TBC1D19: variants seen among roughly 807,000 people sequenced by gnomAD.
TBC1D19 encodes TBC1 domain family member 19.
A neutral mutation model predicts 89.0 loss-of-function variants in TBC1D19; 60 were observed. The ratio of observed to expected loss-of-function variants is 0.67; its 90% confidence interval spans 0.55 to 0.84. The LOEUF is 0.84. TBC1D19 is among the 40% of genes least tolerant of loss of function. The probability of loss-of-function intolerance (pLI) is 0.00; values close to 1 mark genes in which losing one functional copy is unlikely to be tolerated. For missense variants in TBC1D19, 500 were observed against 610.8 expected, an observed-to-expected ratio of 0.82 and a Z score of 1.91; for synonymous variants, 189 against 199.7, an observed-to-expected ratio of 0.95 and a Z score of 0.45.
chr4:26,680,939 C>T (rs900300989), intron 11 of TBC1D19, among the ~76,000 whole-genome samples: 1 of 152,154 alleles, frequency 6.6e-6, no homozygotes, highest in Admixed American at 6.5e-5. Context: ...CACAAGTCAC[C>T]TATTCCCTAA....
chr4:26,682,373 C>A (rs1713424358), intron 11 of TBC1D19, among the ~76,000 whole-genome samples: 2 of 152,012 alleles, frequency 1.3e-5, no homozygotes, highest in African/African-American at 2.4e-5. Flanking sequence ...CAGTAAATGC[C>A]CTGATCATCA....
intron 13 of TBC1D19, among the ~76,000 whole-genome samples, chr4:26,711,169 A>T (rs1178477921): frequency 1.3e-5 from 2 of 152,084 alleles, no homozygotes; most frequent in Non-Finnish European, 2.9e-5. Context: ...TCTCACATTT[A>T]AGTCTTTAAT....
intron 18 of TBC1D19, among the ~76,000 whole-genome samples, chr4:26,745,449 C>A (rs1718597544): frequency 8.1e-6 from 1 of 123,062 alleles, no homozygotes; most frequent in African/African-American, 3.1e-5. Flanking sequence ...GATTTTTATA[C>A]TTTTAAAGTA....
intron 13 of TBC1D19, among the ~76,000 whole-genome samples, chr4:26,696,311 G>A (rs187965576): frequency 2.0e-5 from 3 of 152,166 alleles, no homozygotes; most frequent in Admixed American, 1.3e-4. Flanking sequence ...AGAGCTAACT[G>A]TCTTAAATAT....
At chr4:26,832,956 C>G in the TBC1D19 span, among the ~76,000 whole-genome samples, 1 of 151,974 alleles carries the variant, frequency 6.6e-6, no homozygotes, top group Non-Finnish European at 1.5e-5. Context: ...ATTGAGCTAC[C>G]GCACTCTGGC....
At chr4:26,800,592 C>G in the TBC1D19 span, among the ~76,000 whole-genome samples, 7 of 152,280 alleles carry the variant, frequency 4.6e-5, no homozygotes, top group African/African-American at 1.7e-4. Flanking sequence ...CTGACTTCCG[C>G]AATGGTTGAA....
At chr4:26,689,481 GAT>G (rs1273738615) in intron 13 of TBC1D19, among the ~76,000 whole-genome samples, 1 of 152,052 alleles carries the variant, frequency 6.6e-6, no homozygotes, top group Non-Finnish European at 1.5e-5. Context: ...GTGCTTCACA[GAT>G]ATGTTATTTT....
intron 4 of TBC1D19, among the ~76,000 whole-genome samples, chr4:26,626,615 C>A (rs1742419750): frequency 6.6e-6 from 1 of 152,030 alleles, no homozygotes; most frequent in Non-Finnish European, 1.5e-5. Context: ...TTATCTAGCT[C>A]AGAAATGCTC....
chr4:26,675,744 G>A (rs371734707), intron 11 of TBC1D19, among the ~76,000 whole-genome samples: 16 of 152,204 alleles, frequency 1.1e-4, no homozygotes, highest in African/African-American at 3.6e-4. Context: ...ACATATAATT[G>A]TAGTCATAGT....
At chr4:26,750,674 T>C (rs531109451) in intron 19 of TBC1D19, among the ~76,000 whole-genome samples, 1 of 152,346 alleles carries the variant, frequency 6.6e-6, no homozygotes, top group African/African-American at 2.4e-5. Context: ...CATTATTGCT[T>C]CCACCCATTT....
chr4:26,652,436 C>T (rs1440901222), intron 7 of TBC1D19, among the ~76,000 whole-genome samples: 1 of 152,056 alleles, frequency 6.6e-6, no homozygotes, highest in African/African-American at 2.4e-5. Flanking sequence ...AACGGGGTCT[C>T]ACTGTATTTC....
Position 26,638,841 on chromosome 4 carries a change from G to T in TBC1D19, c.433+7G>T. ...ATGGGAACTGATGAACCAGGTATGT[G>T]AACAATTTTTTCTGAATGTAGTAGT... On this transcript the variant is annotated splice_region_variant and intron_variant, in intron 6 of 20. Transcript: ENST00000264866. The T allele has an allele frequency of 6.2e-7, 1 of 1,602,218 alleles. No individual in the cohort carries two copies. Among genetic ancestry groups the T allele is most frequent in the South Asian group, 1.1e-5 (1 of 88,022 alleles).
the TBC1D19 span, among the ~76,000 whole-genome samples, chr4:26,837,090 G>C: frequency 8.8e-4 from 134 of 152,326 alleles, no homozygotes; most frequent in African/African-American, 2.8e-3. Flanking sequence ...GGAATGTTTG[G>C]AGGGGTTGTG....
At chr4:26,620,577 A>T (rs775570073) in intron 3 of TBC1D19, 36 bp from the exon 4 acceptor site, 3 of 1,563,720 alleles carry the variant, frequency 1.9e-6, no homozygotes, top group Non-Finnish European at 2.6e-6. Context: ...CCAAGAGAAT[A>T]ATGTGTGATA....
chr4:26,703,128 T>C (rs1412342122), intron 13 of TBC1D19, among the ~76,000 whole-genome samples: 1 of 152,192 alleles, frequency 6.6e-6, no homozygotes, highest in Non-Finnish European at 1.5e-5. Flanking sequence ...TGGATCTCTA[T>C]CCCCATAACA....
At chr4:26,590,462 T>G (rs1014966154) in intron 1 of TBC1D19, among the ~76,000 whole-genome samples, 5 of 152,186 alleles carry the variant, frequency 3.3e-5, no homozygotes, top group African/African-American at 1.2e-4. Flanking sequence ...CCTCATAAAA[T>G]GAGTAGGGAA....
intron 11 of TBC1D19, among the ~76,000 whole-genome samples, chr4:26,679,660 C>T (rs1483600082): frequency 6.6e-6 from 1 of 152,184 alleles, no homozygotes; most frequent in Non-Finnish European, 1.5e-5. Flanking sequence ...TAACAGCTTG[C>T]ACTGTGTGCC....
Position 26,642,257 on chromosome 4 carries a change from A to G in TBC1D19, c.480+2070A>G, listed in dbSNP as rs542486318. On this transcript the variant is annotated intron_variant, in intron 7 of 20. Transcript: ENST00000264866. ...CAGCAAAAACCCTACAAGCCAGAAGAGACTGGGGGCCAATATTCAACATTC... is the reference window on the plus strand; with the variant it reads ...CAGCAAAAACCCTACAAGCCAGAAGGGACTGGGGGCCAATATTCAACATTC... Among the ~76,000 whole-genome samples the G allele has an allele frequency of 3.3e-5, 5 of 152,342 alleles. No individual in the cohort carries two copies. The South Asian group carries it at 1.0e-3, about 32-fold the overall frequency.
chr4:26,621,613 CTTTTA>C (rs1742053276), intron 4 of TBC1D19, among the ~76,000 whole-genome samples: 1 of 151,914 alleles, frequency 6.6e-6, no homozygotes, highest in Admixed American at 6.6e-5. Flanking sequence ...CTTTTTTCGA[CTTTTA>C]TTTTTATTTA....
Sources: allele counts gnomAD v4.1 joint callset (sites outside exome capture counted in the v4.1 genomes callset), GRCh38; gene constraint gnomAD v4.1.1; transcripts MANE v1.5; gene names NCBI Gene and HGNC (gene_info 2026-07-23, HGNC 2026-07-21).